CTNNA3: variants seen among roughly 807,000 people sequenced by gnomAD.
CTNNA3 encodes the protein catenin alpha 3.
CTNNA3 carries 76 observed loss-of-function variants against 95.7 expected under a neutral mutation model. The observed-to-expected ratio is 0.79, with a 90% CI of 0.66 to 0.96. CTNNA3 has a LOEUF of 0.96. Among genes scored for constraint, CTNNA3 ranks in the 40% least tolerant of loss-of-function variants. The pLI, the probability that CTNNA3 is intolerant of heterozygous loss-of-function variation, is 0.00. For missense variants in CTNNA3, 1,191 were observed against 1,089.8 expected (o/e 1.09, Z -1.31); for synonymous variants, 431 against 374.4 (o/e 1.15, Z -1.74).
intron 13 of CTNNA3, among the ~76,000 whole-genome samples, chr10:66,251,179 CA>C (rs1273499777): frequency 6.6e-6 from 1 of 152,172 alleles, no homozygotes. Flanking sequence ...TTGTAGTAAG[CA>C]GCCATCTTGT....
At chr10:67,592,779 GACAAAATATATAAACCA>G (rs1842827647) in intron 3 of CTNNA3, among the ~76,000 whole-genome samples, 1 of 152,096 alleles carries the variant, frequency 6.6e-6, no homozygotes, top group African/African-American at 2.4e-5. Context: ...ACAAATAACA[GACAAAATATATAAACCA>G]ACTACTTTTT....
chr10:66,287,205 G>A lies in CTNNA3; in HGVS notation c.1733-6584C>T, dbSNP rs111660710. ...TACTACTTGGAAGGCTGAAGCAAGA[G>A]GATCACTTGAGCCAAGGAGTTCAAG... On this transcript the variant is annotated intron_variant, in intron 12 of 17. Coordinates refer to ENST00000433211, the MANE Select transcript of CTNNA3 (RefSeq NM_013266.4). 4.6e-3 allele frequency among the ~76,000 whole-genome samples: 704 copies of A among 152,162 alleles called. 5 individuals are homozygous for A. Among genetic ancestry groups the A allele is most frequent in the African/African-American group, 0.016 (681 of 41,540 alleles).
intron 5 of CTNNA3, among the ~76,000 whole-genome samples, chr10:67,446,050 C>T (rs1846732169): frequency 6.6e-6 from 1 of 152,314 alleles, no homozygotes; most frequent in East Asian, 1.9e-4. Context: ...GCAAGTTAAT[C>T]TTTCATTCAA....
chr10:67,083,333 AAACAGTT>A (rs1351339682), intron 7 of CTNNA3, among the ~76,000 whole-genome samples: 1 of 152,126 alleles, frequency 6.6e-6, no homozygotes, highest in Non-Finnish European at 1.5e-5. Flanking sequence ...AATGATTAGG[AAACAGTT>A]CCAATCAGTT....
At chr10:67,116,681 A>G (rs1859204621) in intron 7 of CTNNA3, among the ~76,000 whole-genome samples, 2 of 150,092 alleles carry the variant, frequency 1.3e-5, no homozygotes, top group African/African-American at 4.9e-5. Context: ...AAATAAATCT[A>G]AGGATCGTAG....
intron 2 of CTNNA3, among the ~76,000 whole-genome samples, chr10:67,639,123 A>C (rs1455044854): frequency 6.6e-6 from 1 of 152,176 alleles, no homozygotes; most frequent in African/African-American, 2.4e-5. Context: ...AAGACTAATA[A>C]AGAAGAAAAA....
chr10:65,917,691 G>A lies in CTNNA3; in HGVS notation c.*2639C>T, dbSNP rs530266507. On this transcript the variant is annotated 3_prime_UTR_variant, in exon 18 of 18. Coordinates refer to ENST00000433211, the MANE Select transcript of CTNNA3 (RefSeq NM_013266.4). Reference sequence around the variant, plus strand: ...CAGAGGAAGCACTAATCTCTGTGATGAGACATCAAAAGGTACATAGGTGGA... The same window carrying A: ...CAGAGGAAGCACTAATCTCTGTGATAAGACATCAAAAGGTACATAGGTGGA... 201 of 152,260 alleles carry A rather than the reference G, an allele frequency of 1.3e-3. No homozygotes were observed. The highest frequency in any genetic ancestry group is 4.6e-3 in the African/African-American group (190 of 41,552). The allele number at this position is 152,260 out of a possible 1,614,324, so 9.4% of individuals were successfully genotyped here. A position where few individuals can be genotyped will look rare whatever the true frequency, so the allele number is the denominator to read the frequency against.
At chr10:66,033,346 G>A (rs1015292993) in intron 15 of CTNNA3, among the ~76,000 whole-genome samples, 41 of 151,526 alleles carry the variant, frequency 2.7e-4, no homozygotes, top group Non-Finnish European at 4.6e-4. Context: ...CATGTTAGCC[G>A]GGATGATCTC....
chr10:67,050,908 C>T (rs575070621), intron 7 of CTNNA3, among the ~76,000 whole-genome samples: 3 of 152,058 alleles, frequency 2.0e-5, no homozygotes, highest in African/African-American at 4.8e-5. Context: ...TCTTTATTTG[C>T]CATGGTGACA....
In CTNNA3 at chr10:67,121,583, A is replaced by C. The variant is rs148880041; in HGVS notation, c.1047+58734T>G. Among the ~76,000 whole-genome samples, 259 of 152,156 alleles carry C rather than the reference A, an allele frequency of 1.7e-3. 1 individual carries two copies. Among genetic ancestry groups the C allele is most frequent in the Non-Finnish European group, 3.0e-3 (205 of 67,976 alleles). ...GTTGAAAGTATCATGTTTGGAACAC[A>C]CTATTGAGTAGTATAGGATAACTTT... On this transcript the variant is annotated intron_variant, in intron 7 of 17. Transcript: ENST00000433211.
At chr10:66,098,850 A>G (rs2081502638) in intron 14 of CTNNA3, 1 of 152,202 alleles carries the variant, frequency 6.6e-6, no homozygotes. Context: ...TAAGATAATT[A>G]CTGATTTCCA....
At chr10:66,664,214 A>G (rs2394278) in intron 9 of CTNNA3, among the ~76,000 whole-genome samples, 99,552 of 151,970 alleles carry the variant, frequency 0.66, 33,438 homozygotes, top group East Asian at 0.95. Flanking sequence ...ACTTTTATAT[A>G]AATATTTATA....
intron 5 of CTNNA3, among the ~76,000 whole-genome samples, chr10:67,417,087 A>G (rs1271908840): frequency 1.3e-5 from 2 of 152,212 alleles, no homozygotes; most frequent in African/African-American, 4.8e-5. Context: ...AAAATAGTAC[A>G]TATACACCAT....
intron 1 of CTNNA3, among the ~76,000 whole-genome samples, chr10:67,749,924 C>T (rs1044420137): frequency 3.3e-5 from 5 of 152,124 alleles, no homozygotes; most frequent in East Asian, 3.8e-4. Context: ...GTGGGCAACC[C>T]GCTTGGGTCC....
At chr10:67,311,681 C>G (rs1840807671) in intron 5 of CTNNA3, among the ~76,000 whole-genome samples, 1 of 152,032 alleles carries the variant, frequency 6.6e-6, no homozygotes, top group African/African-American at 2.4e-5. Flanking sequence ...CACTCACAGA[C>G]ATATATTTAA....
At chr10:67,289,145 A>T (rs1273111522) in intron 5 of CTNNA3, among the ~76,000 whole-genome samples, 2 of 152,168 alleles carry the variant, frequency 1.3e-5, no homozygotes, top group African/African-American at 4.8e-5. Context: ...TATCCGTAGA[A>T]TTTCTAATAT....
intron 1 of CTNNA3, among the ~76,000 whole-genome samples, chr10:67,659,685 T>C: frequency 6.6e-6 from 1 of 152,226 alleles, no homozygotes. Flanking sequence ...GCATCAACTT[T>C]AAGCAACCAC....
intron 9 of CTNNA3, among the ~76,000 whole-genome samples, chr10:66,704,382 G>A (rs1414654010): frequency 1.2e-4 from 18 of 152,060 alleles, no homozygotes; most frequent in Admixed American, 1.2e-3. Flanking sequence ...ATATCACAGA[G>A]GGAACTGCAG....
intron 7 of CTNNA3, among the ~76,000 whole-genome samples, chr10:67,124,549 C>A (rs559654868): frequency 6.6e-6 from 1 of 152,176 alleles, no homozygotes; most frequent in African/African-American, 2.4e-5. Flanking sequence ...AACTGATTCA[C>A]GGTGAATTGA....
Sources: allele counts gnomAD v4.1 joint callset (sites outside exome capture counted in the v4.1 genomes callset), GRCh38; gene constraint gnomAD v4.1.1; transcripts MANE v1.5; gene names NCBI Gene and HGNC (gene_info 2026-07-23, HGNC 2026-07-21).